MYH15: variants seen among roughly 807,000 people sequenced by gnomAD.
The protein encoded by MYH15 is myosin-15.
In MYH15, 227 loss-of-function variants were observed where a neutral mutation model predicts 240.5. That is an observed-to-expected ratio of 0.94 (90% CI 0.85 to 1.05). The LOEUF (loss-of-function observed/expected upper bound fraction) is 1.05, where lower values mean the gene tolerates loss of function less well. Among genes scored for constraint, MYH15 ranks in the 50% least tolerant of loss-of-function variants. The pLI, the probability that MYH15 is intolerant of heterozygous loss-of-function variation, is 0.00. For synonymous variants in MYH15, 785 were observed against 796.7 expected, an observed-to-expected ratio of 0.99 and a Z score of 0.25; for missense variants, 2,217 against 2,247.5, an observed-to-expected ratio of 0.99 and a Z score of 0.27.
At chr3:108,548,508 T>C in the MYH15 span, among the ~76,000 whole-genome samples, 1 of 152,140 alleles carries the variant, frequency 6.6e-6, no homozygotes, top group African/African-American at 2.4e-5. Flanking sequence ...GCTGCTTCTG[T>C]GCTGCAATAG....
chr3:108,410,028 G>A (rs980657398), intron 31 of MYH15, among the ~76,000 whole-genome samples: 3 of 152,164 alleles, frequency 2.0e-5, no homozygotes, highest in Non-Finnish European at 4.4e-5. Flanking sequence ...TGCTGGAGCC[G>A]TGCTGGCTGG....
intron 40 of MYH15, among the ~76,000 whole-genome samples, chr3:108,382,834 C>T (rs2082353147): frequency 6.6e-6 from 1 of 152,142 alleles, no homozygotes. Context: ...TGATTTCAGG[C>T]AATCTATTAG....
intron 22 of MYH15, among the ~76,000 whole-genome samples, chr3:108,443,856 C>T (rs1430238289): frequency 8.9e-6 from 1 of 112,498 alleles, no homozygotes; most frequent in African/African-American, 4.2e-5. Context: ...GGAGTCTAGG[C>T]ATCTTTATTT....
At chr3:108,457,854 T>C (rs1384568112) in intron 18 of MYH15, among the ~76,000 whole-genome samples, 3 of 152,060 alleles carry the variant, frequency 2.0e-5, no homozygotes, top group African/African-American at 7.2e-5. Flanking sequence ...ACCAACTTGG[T>C]GAAACCCCAT....
chr3:108,529,920 C>G (rs2083700845), upstream of MYH15, among the ~76,000 whole-genome samples: 1 of 152,144 alleles, frequency 6.6e-6, no homozygotes, highest in Non-Finnish European at 1.5e-5. Flanking sequence ...TAGGAGAGAG[C>G]TGCTCAGAGA....
the MYH15 span, among the ~76,000 whole-genome samples, chr3:108,540,598 G>A: frequency 4.6e-5 from 7 of 152,008 alleles, no homozygotes; most frequent in African/African-American, 1.7e-4. Context: ...TTTCCATTTT[G>A]GTACAATCAT....
At chr3:108,491,610 T>A (rs774805524) in intron 9 of MYH15, among the ~76,000 whole-genome samples, 1 of 152,010 alleles carries the variant, frequency 6.6e-6, no homozygotes, top group East Asian at 1.9e-4. Flanking sequence ...ATCCCTTCCA[T>A]CCAAGTCTCT....
At chr3:108,431,893 T>G (rs2107562388) in intron 25 of MYH15, among the ~76,000 whole-genome samples, 1 of 152,262 alleles carries the variant, frequency 6.6e-6, no homozygotes, top group Middle Eastern at 3.4e-3. Context: ...AGAGCAAAGG[T>G]GACTCTTGTT....
chr3:108,505,082 G>T (rs1180719252), intron 2 of MYH15, among the ~76,000 whole-genome samples: 2 of 152,052 alleles, frequency 1.3e-5, no homozygotes, highest in East Asian at 3.9e-4. Context: ...AACACAGCTT[G>T]CTTCGTGGTT....
At chr3:108,504,023 T>A (rs1456557619) in intron 2 of MYH15, among the ~76,000 whole-genome samples, 1 of 152,240 alleles carries the variant, frequency 6.6e-6, no homozygotes, top group Non-Finnish European at 1.5e-5. Context: ...AAAAACATTA[T>A]GCTTAGTGAA....
intron 18 of MYH15, among the ~76,000 whole-genome samples, chr3:108,457,346 A>T (rs964258218): frequency 2.6e-5 from 4 of 152,150 alleles, no homozygotes; most frequent in African/African-American, 9.7e-5. Context: ...CAACCACAAC[A>T]TTCTGTTTAC....
intron 12 of MYH15, among the ~76,000 whole-genome samples, chr3:108,472,867 A>G (rs916953543): frequency 1.3e-5 from 2 of 152,212 alleles, no homozygotes; most frequent in African/African-American, 4.8e-5. Flanking sequence ...GGCTAAATCT[A>G]TATTTCCACT....
chr3:108,443,638 A>G (rs867763764), intron 22 of MYH15, among the ~76,000 whole-genome samples: 5 of 152,256 alleles, frequency 3.3e-5, no homozygotes, highest in Middle Eastern at 3.4e-3. Flanking sequence ...ACACGTTAGC[A>G]TCATACTGTA....
rs571023656 is a variant in MYH15 at position 108,384,153 on chromosome 3, T to C, written c.5632-424A>G. Among the ~76,000 whole-genome samples the C allele has an allele frequency of 5.9e-5, 9 of 152,262 alleles. No homozygotes were observed. The South Asian group carries it at 1.2e-3, about 21-fold the overall frequency. On this transcript the variant is annotated intron_variant, in intron 39 of 40. Transcript: ENST00000693548. Reference sequence around the variant, plus strand: ...ACAGGTAGTGTTTTAGGCCAAATCATTGAAATAATCAAAACCCCTCAAGAG... The same window carrying C: ...ACAGGTAGTGTTTTAGGCCAAATCACTGAAATAATCAAAACCCCTCAAGAG...
At chr3:108,463,078 G>A in intron 16 of MYH15, 33 bp downstream of exon 16, 1 of 1,574,386 alleles carries the variant, frequency 6.4e-7, no homozygotes, top group Admixed American at 2.0e-5. Flanking sequence ...TCCATTCTGA[G>A]GCTGAAAAAT....
chr3:108,392,165 A>G (rs1250689588), intron 36 of MYH15, among the ~76,000 whole-genome samples: 3 of 152,212 alleles, frequency 2.0e-5, no homozygotes, highest in Non-Finnish European at 4.4e-5. Context: ...GAAACAGACT[A>G]AAGATGAAGA....
chr3:108,425,897 T>C (rs191971444), intron 27 of MYH15, among the ~76,000 whole-genome samples: 170 of 152,316 alleles, frequency 1.1e-3, no homozygotes, highest in African/African-American at 3.9e-3. Flanking sequence ...AGGTCTTAAA[T>C]GGAAATGGGG....
intron 13 of MYH15, 130 bp from the exon 14 acceptor site, chr3:108,470,342 G>A: frequency 1.6e-6 from 1 of 608,734 alleles, no homozygotes; most frequent in Middle Eastern, 4.5e-4. Context: ...AGTAACAAAT[G>A]CTCAATTAAC....
chr3:108,401,662 T>A (rs556140150), intron 33 of MYH15, among the ~76,000 whole-genome samples: 3 of 152,306 alleles, frequency 2.0e-5, no homozygotes, highest in East Asian at 1.9e-4. Flanking sequence ...GGTGTCAAAA[T>A]CCTCTGTACA....
Sources: gnomAD v4.1 joint callset for allele counts (sites outside exome capture counted in the v4.1 genomes callset) on GRCh38, gnomAD v4.1.1 for gene constraint, MANE v1.5 for transcripts, NCBI Gene and HGNC (gene_info 2026-07-23, HGNC 2026-07-21) for gene names.